KLRG1: variants seen among roughly 807,000 people sequenced by gnomAD.
The protein encoded by KLRG1 is killer cell lectin-like receptor subfamily G member 1.
KLRG1 carries 16 observed loss-of-function variants against 21.8 expected under a neutral mutation model. The observed-to-expected ratio is 0.73, with a 90% CI of 0.50 to 1.11. The LOEUF is 1.11. KLRG1 is among the 50% of genes most tolerant of loss of function. KLRG1 has a pLI of 0.00. For synonymous variants in KLRG1, 69 were observed against 75.9 expected (o/e 0.91, Z 0.47); for missense variants, 173 against 218.3 (o/e 0.79, Z 1.31).
At chr12:9,180,373 G>T in the KLRG1 span, among the ~76,000 whole-genome samples, 1 of 152,138 alleles carries the variant, frequency 6.6e-6, no homozygotes, top group Non-Finnish European at 1.5e-5. Context: ...CAAAGCTGGA[G>T]GCATCACACT....
intron 3 of KLRG1, among the ~76,000 whole-genome samples, chr12:9,002,943 A>ACACG (rs1555143506): frequency 2.7e-5 from 4 of 150,020 alleles, no homozygotes; most frequent in Non-Finnish European, 5.9e-5. Context: ...ACACACACAC[A>ACACG]CATTATCCAT....
chr12:9,131,135 G>A, the KLRG1 span, among the ~76,000 whole-genome samples: 1 of 151,956 alleles, frequency 6.6e-6, no homozygotes, highest in African/African-American at 2.4e-5. Context: ...CTATTACGAT[G>A]GTTTATTTGT....
the KLRG1 span, chr12:9,076,703 C>T: frequency 2.5e-6 from 4 of 1,591,754 alleles, no homozygotes; most frequent in Non-Finnish European, 3.4e-6. Flanking sequence ...TTTTGCCATG[C>T]AGTTCTTGAT....
chr12:9,141,027 G>A, the KLRG1 span, among the ~76,000 whole-genome samples: 3 of 152,096 alleles, frequency 2.0e-5, no homozygotes, highest in Admixed American at 6.5e-5. Flanking sequence ...GATTACTTCA[G>A]TCTCTAGGGG....
the KLRG1 span, chr12:9,202,575 C>T: frequency 6.2e-7 from 1 of 1,614,104 alleles, no homozygotes; most frequent in Non-Finnish European, 8.5e-7. Flanking sequence ...AAAGACCAGA[C>T]TTTGGGTGTT....
the KLRG1 span, among the ~76,000 whole-genome samples, chr12:9,070,995 T>A: frequency 6.6e-6 from 1 of 152,126 alleles, no homozygotes; most frequent in Non-Finnish European, 1.5e-5. Flanking sequence ...TAATTTTGTA[T>A]TTTTAGTACA....
the KLRG1 span, chr12:9,101,706 G>C: frequency 1.4e-6 from 2 of 1,476,350 alleles, no homozygotes; most frequent in Admixed American, 3.7e-5. Flanking sequence ...ATTATTTTTA[G>C]ATTATACGTC....
At chr12:9,083,609 A>T in the KLRG1 span, among the ~76,000 whole-genome samples, 1 of 151,808 alleles carries the variant, frequency 6.6e-6, no homozygotes, top group East Asian at 1.9e-4. Flanking sequence ...AGAAGAGCAG[A>T]AAGACAAAAG....
chr12:9,101,578 T>G, the KLRG1 span: 1 of 1,613,998 alleles, frequency 6.2e-7, no homozygotes. Context: ...AAGCTCTTGC[T>G]TGGGGAGAAC....
At chr12:9,098,138 C>T in the KLRG1 span, among the ~76,000 whole-genome samples, 1 of 152,156 alleles carries the variant, frequency 6.6e-6, no homozygotes, top group Non-Finnish European at 1.5e-5. Context: ...CGAACGGCTT[C>T]CCCGGTTGCT....
the KLRG1 span, among the ~76,000 whole-genome samples, chr12:9,155,357 T>G: frequency 6.6e-6 from 1 of 152,226 alleles, no homozygotes; most frequent in Non-Finnish European, 1.5e-5. Flanking sequence ...CTTCCAGAGT[T>G]AACTACTTCC....
downstream of KLRG1, among the ~76,000 whole-genome samples, chr12:9,012,227 G>A (rs1947642075): frequency 6.6e-6 from 1 of 152,170 alleles, no homozygotes; most frequent in Non-Finnish European, 1.5e-5. Flanking sequence ...CCTTCCACCT[G>A]AGGAGAGGAG....
chr12:9,095,590 T>A, the KLRG1 span: 1 of 1,612,318 alleles, frequency 6.2e-7, no homozygotes, highest in Non-Finnish European at 8.5e-7. Flanking sequence ...CTGGAGTATA[T>A]GTGATTCCAT....
At chr12:8,994,942 G>A (rs1023470963) in intron 2 of KLRG1, among the ~76,000 whole-genome samples, 177 bp from the exon 3 acceptor site, 2 of 152,130 alleles carry the variant, frequency 1.3e-5, no homozygotes, top group African/African-American at 4.8e-5. Flanking sequence ...GACATTATGA[G>A]GACATTATGA....
At chr12:9,146,953 A>T in the KLRG1 span, among the ~76,000 whole-genome samples, 20 of 152,156 alleles carry the variant, frequency 1.3e-4, no homozygotes, top group African/African-American at 4.1e-4. Flanking sequence ...GCTGGGATTT[A>T]AAAAAATCCA....
chr12:9,160,293 A>C, the KLRG1 span: 1 of 1,582,958 alleles, frequency 6.3e-7, no homozygotes, highest in Non-Finnish European at 8.6e-7. Flanking sequence ...AACAAAGTAA[A>C]TTTTTCTCTG....
At chr12:9,051,640 C>T in the KLRG1 span, among the ~76,000 whole-genome samples, 3 of 152,298 alleles carry the variant, frequency 2.0e-5, no homozygotes, top group South Asian at 2.1e-4. Context: ...TGTCTGCATA[C>T]GGGAAAATCA....
chr12:8,988,489 CCT>C (rs992418392), upstream of KLRG1: 25 of 152,198 alleles, frequency 1.6e-4, no homozygotes, highest in African/African-American at 5.3e-4. Flanking sequence ...TAAAGCACTC[CCT>C]GTTTCTCTTC....
the KLRG1 span, among the ~76,000 whole-genome samples, chr12:9,024,870 G>C: frequency 6.6e-6 from 1 of 152,160 alleles, no homozygotes; most frequent in African/African-American, 2.4e-5. Flanking sequence ...CAAAGTTTTG[G>C]TGATAGTAAA....
Sources: gnomAD v4.1 joint callset for allele counts (sites outside exome capture counted in the v4.1 genomes callset) on GRCh38, gnomAD v4.1.1 for gene constraint, MANE v1.5 for transcripts, NCBI Gene and HGNC (gene_info 2026-07-23, HGNC 2026-07-21) for gene names.